ATP8A2: variants seen among roughly 807,000 people sequenced by gnomAD.
ATP8A2 encodes phospholipid-transporting ATPase IB.
A neutral mutation model predicts 165.6 loss-of-function variants in ATP8A2; 100 were observed. The observed-to-expected ratio is 0.60, with a 90% confidence interval of 0.51 to 0.71. The LOEUF (loss-of-function observed/expected upper bound fraction) is 0.71. ATP8A2 is among the 30% of genes least tolerant of loss of function. ATP8A2 has a pLI of 0.00. For missense variants in ATP8A2, 1,227 were observed against 1,479.5 expected, an observed-to-expected ratio of 0.83 and a Z score of 2.80; for synonymous variants, 543 against 548.8, an observed-to-expected ratio of 0.99 and a Z score of 0.15.
intron 27 of ATP8A2, among the ~76,000 whole-genome samples, chr13:25,808,414 C>T (rs533650591): frequency 1.3e-4 from 19 of 151,930 alleles, no homozygotes; most frequent in African/African-American, 4.3e-4. Context: ...GCCTGGGCAA[C>T]GTGGTGAAAT....
rs144283908 is a variant in ATP8A2, at chr13:25,892,478, G to GTCTCTCTC, written c.3183+30089_3183+30096dup. Among the ~76,000 whole-genome samples the GTCTCTCTC allele has an allele frequency of 9.2e-4, 125 of 136,228 alleles. 3 individuals carry two copies. Among genetic ancestry groups the GTCTCTCTC allele is most frequent in the African/African-American group, 2.6e-3 (89 of 33,846 alleles). 89.4% of individuals were successfully genotyped at this position (136,228 alleles called of 152,430 possible). ...CATTTCTCTCTCTCTCTGTCTCTCT[G>GTCTCTCTC]TCTCTCTCTCTCTCTCTCTCTCTCT... is the stretch of plus-strand genomic sequence containing the variant. On this transcript the variant is annotated intron_variant, in intron 33 of 36. Transcript: ENST00000381655.
chr13:25,519,177 G>T (rs1381753646), intron 2 of ATP8A2, among the ~76,000 whole-genome samples: 21 of 152,108 alleles, frequency 1.4e-4, no homozygotes, highest in Admixed American at 1.4e-3. Flanking sequence ...TCCCCTGTGC[G>T]TCCATGAGAC....
intron 33 of ATP8A2, among the ~76,000 whole-genome samples, chr13:25,866,137 T>C (rs748115423): frequency 6.6e-6 from 1 of 152,188 alleles, no homozygotes; most frequent in Non-Finnish European, 1.5e-5. Flanking sequence ...TCTTCATGCA[T>C]TTCCCAGCAC....
Position 25,614,297 on chromosome 13 carries a change from A to G in ATP8A2, c.2211+24598A>G, listed in dbSNP as rs942211953. On this transcript the variant is annotated intron_variant, in intron 24 of 36. Transcript: ENST00000381655. ...TGAAGTTCTTTTGTCTACTTGTTCA[A>G]TTTTGTTGCTGAGATGTTCCAGTAT... Among the ~76,000 whole-genome samples the G allele has an allele frequency of 2.6e-5, 4 of 152,072 alleles. No individual in the cohort carries two copies. The East Asian group carries it at 5.8e-4, about 22-fold the overall frequency.
chr13:25,824,348 TTTCTTTGC>T (rs1951257627), intron 27 of ATP8A2, among the ~76,000 whole-genome samples: 1 of 152,234 alleles, frequency 6.6e-6, no homozygotes, highest in Admixed American at 6.5e-5. Context: ...TATTTGTCTC[TTTCTTTGC>T]TATATTAGAC....
intron 30 of ATP8A2, among the ~76,000 whole-genome samples, chr13:25,853,218 G>A (rs374896881): frequency 1.6e-4 from 25 of 151,566 alleles, no homozygotes; most frequent in East Asian, 5.8e-4. Flanking sequence ...GTGAAACCCC[G>A]CCTCTTCTAA....
chr13:25,690,093 A>G (rs1477159531), intron 24 of ATP8A2, among the ~76,000 whole-genome samples: 1 of 151,824 alleles, frequency 6.6e-6, no homozygotes, highest in African/African-American at 2.4e-5. Context: ...GCTATTTAAT[A>G]TCTTTTGAGA....
intron 25 of ATP8A2, among the ~76,000 whole-genome samples, chr13:25,734,433 A>G (rs2043722607): frequency 6.6e-6 from 1 of 152,212 alleles, no homozygotes; most frequent in African/African-American, 2.4e-5. Flanking sequence ...AGTAGGTAAC[A>G]GGTTTATCTC....
intron 1 of ATP8A2, among the ~76,000 whole-genome samples, chr13:25,406,086 T>C (rs776809039): frequency 6.6e-6 from 1 of 152,222 alleles, no homozygotes; most frequent in Non-Finnish European, 1.5e-5. Context: ...CAATATGACC[T>C]GTTCCAGTGG....
intron 13 of ATP8A2, among the ~76,000 whole-genome samples, chr13:25,556,651 C>T (rs2038990459): frequency 6.6e-6 from 1 of 152,106 alleles, no homozygotes; most frequent in South Asian, 2.1e-4. Flanking sequence ...TGAGGACTAA[C>T]CTCTTTTGAA....
intron 24 of ATP8A2, among the ~76,000 whole-genome samples, chr13:25,664,207 A>T (rs2042105719): frequency 6.6e-6 from 1 of 152,124 alleles, no homozygotes; most frequent in Non-Finnish European, 1.5e-5. Flanking sequence ...AAGATGAATA[A>T]TGGCTGTGGT....
chr13:25,559,481 G>A (rs1438768799), intron 14 of ATP8A2, among the ~76,000 whole-genome samples: 6 of 152,142 alleles, frequency 3.9e-5, no homozygotes, highest in South Asian at 2.1e-4. Context: ...GCAGTGAGCC[G>A]GAATTGCTCC....
At chr13:25,944,799 T>A (rs1165320183) in intron 33 of ATP8A2, 1 of 152,178 alleles carries the variant, frequency 6.6e-6, no homozygotes, top group Non-Finnish European at 1.5e-5. Context: ...AAAATATGTA[T>A]CTCTGACACC....
At chr13:25,655,850 A>G (rs928068290) in intron 24 of ATP8A2, among the ~76,000 whole-genome samples, 2 of 152,216 alleles carry the variant, frequency 1.3e-5, no homozygotes, top group Non-Finnish European at 2.9e-5. Flanking sequence ...TGGGATACGT[A>G]CCTTATGTGG....
intron 34 of ATP8A2, among the ~76,000 whole-genome samples, chr13:25,964,103 G>A (rs1955722718): frequency 6.6e-6 from 1 of 152,212 alleles, no homozygotes; most frequent in Non-Finnish European, 1.5e-5. Context: ...GGCACCACGG[G>A]CCCAGAACTC....
chr13:25,618,310 C>T (rs1392997811), intron 24 of ATP8A2, among the ~76,000 whole-genome samples: 2 of 152,038 alleles, frequency 1.3e-5, no homozygotes, highest in Admixed American at 6.6e-5. Context: ...GTAGGAGGAC[C>T]TGAGGAATAT....
At chr13:25,912,377 ATCAGAG>A (rs1396759221) in intron 33 of ATP8A2, among the ~76,000 whole-genome samples, 1 of 152,222 alleles carries the variant, frequency 6.6e-6, no homozygotes, top group African/African-American at 2.4e-5. Context: ...AATGGAGGTT[ATCAGAG>A]GCTGGGGATG....
chr13:25,524,992 A>G (rs2037797191), intron 2 of ATP8A2, among the ~76,000 whole-genome samples: 1 of 149,522 alleles, frequency 6.7e-6, no homozygotes, highest in Admixed American at 6.7e-5. Flanking sequence ...CTTTGTGGTT[A>G]AGTGATTTTC....
chr13:25,992,665 A>G lies in ATP8A2; in HGVS notation c.3378-19866A>G, dbSNP rs546455980. 2.9e-5 allele frequency among the ~76,000 whole-genome samples: 4 copies of G among 136,472 alleles called. No homozygotes were observed. In the East Asian group the frequency reaches 8.1e-4, roughly 28 times the overall value. 89.5% of individuals were successfully genotyped at this position (136,472 alleles called of 152,430 possible). ...AAAGATACTCTCCTATTTTTTTCCT[A>G]AAAGTTGTATAGTTTTTTTTTTGTT... is the stretch of plus-strand genomic sequence containing the variant. On this transcript the variant is annotated intron_variant, in intron 35 of 36. Transcript: ENST00000381655.
Sources: allele counts gnomAD v4.1 joint callset (sites outside exome capture counted in the v4.1 genomes callset), GRCh38; gene constraint gnomAD v4.1.1; transcripts MANE v1.5; gene names NCBI Gene and HGNC (gene_info 2026-07-23, HGNC 2026-07-21).